Variants in CLEC2B observed in about 807,000 individuals in gnomAD.
The protein encoded by CLEC2B is C-type (calcium dependent, carbohydrate-recognition domain) lectin, superfamily member 2 (activation-induced).
A neutral mutation model predicts 16.2 loss-of-function variants in CLEC2B; 14 were observed. That is an observed-to-expected ratio of 0.86 (90% CI 0.57 to 1.35). CLEC2B has a LOEUF of 1.35. Among genes scored for constraint, CLEC2B ranks in the 40% most tolerant of loss-of-function variants. CLEC2B has a pLI of 0.00. For synonymous variants in CLEC2B, 42 were observed against 55.8 expected, an observed-to-expected ratio of 0.75 and a Z score of 1.10; for missense variants, 166 against 182.3, an observed-to-expected ratio of 0.91 and a Z score of 0.52.
intron 1 of CLEC2B, 129 bp from the exon 2 acceptor site, chr12:9,862,702 T>C (rs926961389): frequency 2.9e-5 from 22 of 763,744 alleles, no homozygotes; most frequent in Admixed American, 1.0e-4. Flanking sequence ...TCCCCAGCAA[T>C]ATCCTAGAAT....
Position 9,862,486 on chromosome 12 carries a change from G to T in CLEC2B, c.73+13C>A. 1 of 1,444,294 alleles carries T rather than the reference G, an allele frequency of 6.9e-7. No individual in the cohort carries two copies. Among genetic ancestry groups the T allele is most frequent in the African/African-American group, 1.5e-5 (1 of 67,898 alleles). 89.5% of individuals were successfully genotyped at this position (1,444,294 alleles called of 1,614,324 possible). On this transcript the variant is annotated intron_variant, in intron 2 of 4. Transcript: ENST00000228438. Reference sequence around the variant, plus strand: ...AGAAAGCCATGAAAAATAAAATGAAGGATGTAACTTACCTATCAGAGTAAT... The same window carrying T: ...AGAAAGCCATGAAAAATAAAATGAATGATGTAACTTACCTATCAGAGTAAT...
chr12:9,863,898 CAG>C (rs1867951155), intron 1 of CLEC2B, among the ~76,000 whole-genome samples: 1 of 151,912 alleles, frequency 6.6e-6, no homozygotes, highest in South Asian at 2.1e-4. Flanking sequence ...GAAATAATAA[CAG>C]AAAGTATTAC....
intron 1 of CLEC2B, among the ~76,000 whole-genome samples, chr12:9,862,927 C>A (rs181091315): frequency 1.5e-4 from 23 of 152,238 alleles, no homozygotes; most frequent in African/African-American, 2.4e-5. Flanking sequence ...AGTTTCCTGG[C>A]AGGAAACTTG....
Position 9,865,394 on chromosome 12 carries a change from T to C in CLEC2B, c.-2-2821A>G, listed in dbSNP as rs546950751. On this transcript the variant is annotated intron_variant, in intron 1 of 4. Transcript: ENST00000228438. ...TCAGATAAAATAGATTACAAAACTT[T>C]AAAAGACTACTTTAAAAAGAGACAA... 4.6e-5 allele frequency among the ~76,000 whole-genome samples: 7 copies of C among 152,206 alleles called. No individual in the cohort carries two copies. In the South Asian group the frequency reaches 1.5e-3, roughly 32 times the overall value.
intron 1 of CLEC2B, among the ~76,000 whole-genome samples, chr12:9,867,975 G>A (rs149617378): frequency 8.2e-4 from 125 of 151,820 alleles, no homozygotes; most frequent in African/African-American, 2.8e-3. Context: ...CTGATAAGCA[G>A]AGCAAATAAA....
At chr12:9,854,650 T>C in intron 3 of CLEC2B, 166 bp from the exon 4 acceptor site, 3 of 518,850 alleles carry the variant, frequency 5.8e-6, no homozygotes, top group Admixed American at 7.5e-5. Context: ...ATTTTTCCTC[T>C]GACCTTCAGT....
chr12:9,853,543 A>G (rs1867868616), intron 4 of CLEC2B, 135 bp from the exon 5 acceptor site: 1 of 657,172 alleles, frequency 1.5e-6, no homozygotes, highest in African/African-American at 1.8e-5. Flanking sequence ...TAGTGTTGAG[A>G]TACCTATACC....
rs1178906787 is a variant in CLEC2B at position 9,859,832 on chromosome 12, T to C, written c.74-2195A>G. ...AATACTATTCAGCTTAATTGAAGAA[T>C]GTTAAAAGGTTAATAGGTTATGATC... On this transcript the variant is annotated intron_variant, in intron 2 of 4. Transcript: ENST00000228438. Among the ~76,000 whole-genome samples the C allele has an allele frequency of 4.0e-5, 6 of 151,768 alleles. No homozygotes were observed. The South Asian group carries it at 8.3e-4, about 21-fold the overall frequency.
intron 3 of CLEC2B, chr12:9,854,961 G>A (rs1388907718): frequency 6.3e-6 from 1 of 157,744 alleles, no homozygotes; most frequent in East Asian, 1.8e-4. Flanking sequence ...AGTTTCTTTA[G>A]AACCTAATTA....
Position 9,867,830 on chromosome 12 carries a change from C to A in CLEC2B, c.-3+1375G>T, listed in dbSNP as rs558959675. On this transcript the variant is annotated intron_variant, in intron 1 of 4. Transcript: ENST00000228438. ...AATTGTTTTCCCCATAGAAAAGTTT[C>A]AGTGACTCAACTGTTTTCTGTTTGA... 8.5e-5 allele frequency among the ~76,000 whole-genome samples: 13 copies of A among 152,158 alleles called. No individual in the cohort carries two copies. The East Asian group carries it at 2.1e-3, about 25-fold the overall frequency.
In CLEC2B at chr12:9,853,849, A is replaced by G. The variant is rs543871135; in HGVS notation, c.342-441T>C. On this transcript the variant is annotated intron_variant, in intron 4 of 4. Transcript: ENST00000228438. ...AGAGAGGTATTCAGTACAAAATATC[A>G]GTAGTGTTTCTATTGAGAAACTAAC... is the stretch of plus-strand genomic sequence containing the variant. Among the ~76,000 whole-genome samples the G allele has an allele frequency of 7.2e-5, 11 of 152,330 alleles. No homozygotes were observed. The South Asian group carries it at 2.1e-3, about 29-fold the overall frequency.
intron 1 of CLEC2B, 136 bp downstream of exon 1, chr12:9,869,069 A>C (rs1388338448): frequency 6.6e-6 from 1 of 152,102 alleles, no homozygotes; most frequent in Non-Finnish European, 1.5e-5. Flanking sequence ...TGCAAATCTC[A>C]ATCTTGTTAT....
rs1471283565 is a variant in CLEC2B at position 9,852,442 on chromosome 12, A to G, written c.*858T>C. On this transcript the variant is annotated 3_prime_UTR_variant, in exon 5 of 5. Transcript: ENST00000228438. ...TGGCAAGTTCTGATTGGTGTGTGAC[A>G]GTGGTGGGTAAAACCAGTTTTGCAG... Among the ~76,000 whole-genome samples, 2 of 152,186 alleles carry G rather than the reference A, an allele frequency of 1.3e-5. No individual in the cohort carries two copies. Among genetic ancestry groups the G allele is most frequent in the East Asian group, 3.8e-4 (2 of 5,200 alleles).
intron 1 of CLEC2B, among the ~76,000 whole-genome samples, chr12:9,864,972 C>G (rs775490106): frequency 2.0e-5 from 3 of 152,074 alleles, no homozygotes. Flanking sequence ...CATTTGAGGT[C>G]AGGAGCTCAA....
intron 1 of CLEC2B, among the ~76,000 whole-genome samples, chr12:9,864,131 C>G (rs1487655314): frequency 2.8e-5 from 4 of 141,928 alleles, no homozygotes; most frequent in Non-Finnish European, 6.1e-5. Context: ...CCATACAGAC[C>G]AAGAGAAAAG....
chr12:9,853,202 G>T lies in CLEC2B; in HGVS notation c.*98C>A. ...ACACGTAAGCAGAATTAACCAGACA[G>T]GTACAAAACTCGAACTTTGTTTAAT... On this transcript the variant is annotated 3_prime_UTR_variant, in exon 5 of 5. Transcript: ENST00000228438. 1.1e-6 allele frequency: 1 copy of T among 915,902 alleles called. No homozygotes were observed. The highest frequency in any genetic ancestry group is 1.7e-6 in the Non-Finnish European group (1 of 584,212). The allele number at this position is 915,902 out of a possible 1,614,324, so 56.7% of individuals were successfully genotyped here.
At chr12:9,864,567 A>C (rs1867956927) in intron 1 of CLEC2B, among the ~76,000 whole-genome samples, 1 of 152,216 alleles carries the variant, frequency 6.6e-6, no homozygotes, top group Non-Finnish European at 1.5e-5. Context: ...GTGAGGGTGG[A>C]GTAAAAGTGT....
intron 4 of CLEC2B, 41 bp downstream of exon 4, chr12:9,854,340 A>G (rs919393715): frequency 1.5e-6 from 2 of 1,319,894 alleles, no homozygotes; most frequent in Non-Finnish European, 2.2e-6. Flanking sequence ...AGAAGGCTGC[A>G]CTATCTAAAT....
intron 4 of CLEC2B, 88 bp downstream of exon 4, chr12:9,854,292 TG>T: frequency 1.3e-6 from 1 of 779,788 alleles, no homozygotes; most frequent in East Asian, 2.7e-5. Context: ...GCAAAACTCT[TG>T]GGCTCTAGAG....
Sources: allele counts gnomAD v4.1 joint callset (sites outside exome capture counted in the v4.1 genomes callset), GRCh38; gene constraint gnomAD v4.1.1; transcripts MANE v1.5; gene names NCBI Gene and HGNC (gene_info 2026-07-23, HGNC 2026-07-21).